Variants in NCKAP5 observed in about 807,000 individuals in gnomAD.
The protein encoded by NCKAP5 is nck-associated protein 5.
In NCKAP5, 92 loss-of-function variants were observed where a neutral mutation model predicts 167.0. The ratio of observed to expected loss-of-function variants is 0.55; its 90% CI spans 0.47 to 0.66. The LOEUF (loss-of-function observed/expected upper bound fraction) is 0.66. NCKAP5 is among the 30% of genes least tolerant of loss of function. The probability of loss-of-function intolerance (pLI) is 0.00; values close to 1 mark genes in which losing one functional copy is unlikely to be tolerated. For missense variants in NCKAP5, 2,378 were observed against 2,315.0 expected, an observed-to-expected ratio of 1.03 and a Z score of -0.56; for synonymous variants, 891 against 877.4, an observed-to-expected ratio of 1.02 and a Z score of -0.27.
intron 7 of NCKAP5, among the ~76,000 whole-genome samples, chr2:132,964,420 A>T (rs907961948): frequency 1.3e-5 from 2 of 152,276 alleles, no homozygotes; most frequent in East Asian, 3.9e-4. Context: ...TTTCTGTAAC[A>T]CTGTTCAGCA....
chr2:133,275,552 CATTTAAGCAACTCTTCAA>C (rs1366303646), intron 4 of NCKAP5, among the ~76,000 whole-genome samples: 7 of 151,962 alleles, frequency 4.6e-5, no homozygotes, highest in African/African-American at 1.2e-4. Context: ...AGAAAACTAA[CATTTAAGCAACTCTTCAA>C]TGAAAGAGAT....
At chr2:132,956,149 G>A (rs570433640) in intron 8 of NCKAP5, among the ~76,000 whole-genome samples, 7 of 152,294 alleles carry the variant, frequency 4.6e-5, no homozygotes, top group African/African-American at 1.4e-4. Flanking sequence ...CTAGCTTGAT[G>A]TAATTATTAC....
intron 6 of NCKAP5, among the ~76,000 whole-genome samples, chr2:133,044,682 T>C (rs1304918007): frequency 6.6e-6 from 1 of 152,064 alleles, no homozygotes; most frequent in Non-Finnish European, 1.5e-5. Context: ...CCTAGTAAAG[T>C]TGAAAATGAG....
At chr2:133,320,259 C>A (rs1436266686) in intron 3 of NCKAP5, among the ~76,000 whole-genome samples, 2 of 152,186 alleles carry the variant, frequency 1.3e-5, no homozygotes, top group Admixed American at 1.3e-4. Flanking sequence ...TCTCTAAAGT[C>A]TAATTACTGC....
intron 3 of NCKAP5, among the ~76,000 whole-genome samples, chr2:133,427,402 T>G (rs75274162): frequency 0.021 from 3,129 of 152,262 alleles, 103 homozygotes; most frequent in African/African-American, 0.07. Context: ...CACTAAAATG[T>G]TATAGTTTTA....
intron 3 of NCKAP5, among the ~76,000 whole-genome samples, chr2:133,414,431 T>C (rs1688974949): frequency 6.6e-6 from 1 of 152,118 alleles, no homozygotes; most frequent in Non-Finnish European, 1.5e-5. Flanking sequence ...CTAAAGGCAA[T>C]GCAGTGTTCC....
chr2:132,852,524 T>A (rs1274649031), intron 11 of NCKAP5, among the ~76,000 whole-genome samples: 1 of 152,222 alleles, frequency 6.6e-6, no homozygotes, highest in African/African-American at 2.4e-5. Flanking sequence ...TCAGCCAGCA[T>A]GACACTCCTG....
intron 7 of NCKAP5, among the ~76,000 whole-genome samples, 189 bp from the exon 8 acceptor site, chr2:132,964,058 A>G (rs1220700263): frequency 6.6e-6 from 1 of 152,244 alleles, no homozygotes; most frequent in Non-Finnish European, 1.5e-5. Context: ...CTGGAAGGAC[A>G]AGGCCATTGG....
chr2:133,275,418 A>G (rs1008065646), intron 4 of NCKAP5, among the ~76,000 whole-genome samples: 9 of 152,082 alleles, frequency 5.9e-5, no homozygotes, highest in African/African-American at 1.2e-4. Flanking sequence ...ACAACCACAC[A>G]TGGAACTCGC....
rs917075721 is a variant in NCKAP5, at chr2:133,154,163, T to C, written c.208-24052A>G. 3.3e-5 allele frequency among the ~76,000 whole-genome samples: 5 copies of C among 152,140 alleles called. No individual in the cohort carries two copies. The East Asian group carries it at 9.7e-4, about 29-fold the overall frequency. On this transcript the variant is annotated intron_variant, in intron 5 of 19. Coordinates refer to ENST00000409261, the MANE Select transcript of NCKAP5 (RefSeq NM_207363.3). ...GGCCAGTTCCTCCTTCTTGAAACTC[T>C]TTACTGTTCTTGATTAAATGAGCAT...
At chr2:132,903,234 C>A (rs1319975192) in intron 8 of NCKAP5, among the ~76,000 whole-genome samples, 3 of 152,150 alleles carry the variant, frequency 2.0e-5, no homozygotes, top group Non-Finnish European at 4.4e-5. Context: ...ACCAAAAATG[C>A]AGTTCCTCAG....
chr2:133,191,236 C>T (rs1368052656), intron 5 of NCKAP5, among the ~76,000 whole-genome samples: 1 of 152,144 alleles, frequency 6.6e-6, no homozygotes, highest in Non-Finnish European at 1.5e-5. Flanking sequence ...CTATCTCACA[C>T]CAGTTAGAAT....
chr2:133,225,921 T>A (rs1251261119), intron 4 of NCKAP5, among the ~76,000 whole-genome samples: 1 of 151,278 alleles, frequency 6.6e-6, no homozygotes, highest in African/African-American at 2.4e-5. Context: ...TAGCTGGGAC[T>A]ACAGGCACGT....
intron 5 of NCKAP5, among the ~76,000 whole-genome samples, chr2:133,169,457 T>C (rs1160013093): frequency 6.6e-6 from 1 of 152,200 alleles, no homozygotes; most frequent in Non-Finnish European, 1.5e-5. Context: ...CTAGATGGTT[T>C]GTCATATATC....
At chr2:133,070,260 A>T (rs979767336) in intron 6 of NCKAP5, among the ~76,000 whole-genome samples, 3 of 152,238 alleles carry the variant, frequency 2.0e-5, no homozygotes, top group Non-Finnish European at 2.9e-5. Context: ...CAGTAAGGAT[A>T]ATAACTGGAA....
intron 7 of NCKAP5, among the ~76,000 whole-genome samples, chr2:132,979,011 G>C (rs549922805): frequency 1.3e-5 from 2 of 152,268 alleles, no homozygotes; most frequent in South Asian, 4.1e-4. Context: ...GTAAGGCTTT[G>C]AACTTGTGGG....
intron 11 of NCKAP5, among the ~76,000 whole-genome samples, chr2:132,849,134 G>A (rs1688892433): frequency 6.6e-6 from 1 of 152,138 alleles, no homozygotes; most frequent in Non-Finnish European, 1.5e-5. Flanking sequence ...AGGCTTCGCA[G>A]GGTCCCTGAA....
At chr2:133,227,561 C>G (rs2150233489) in intron 4 of NCKAP5, among the ~76,000 whole-genome samples, 1 of 152,260 alleles carries the variant, frequency 6.6e-6, no homozygotes, top group Middle Eastern at 3.4e-3. Context: ...AGGTCTCTAC[C>G]CAACTGAGCC....
chr2:133,622,034 C>T, the NCKAP5 span, among the ~76,000 whole-genome samples: 1 of 152,026 alleles, frequency 6.6e-6, no homozygotes, highest in East Asian at 1.9e-4. Flanking sequence ...AAACAAAAAT[C>T]ATATGATCAT....
Sources: allele counts gnomAD v4.1 joint callset (sites outside exome capture counted in the v4.1 genomes callset), GRCh38; gene constraint gnomAD v4.1.1; transcripts MANE v1.5; gene names NCBI Gene and HGNC (gene_info 2026-07-23, HGNC 2026-07-21).